Variants in PIAS2 observed in about 807,000 individuals in gnomAD.
PIAS2 encodes protein inhibitor of activated STAT 2.
Under a neutral mutation model 69.7 loss-of-function variants are expected in PIAS2, and 19 were observed. That is an observed-to-expected ratio of 0.27 (90% CI 0.19 to 0.40). The LOEUF (loss-of-function observed/expected upper bound fraction) is 0.40. PIAS2 is among the 10% of genes least tolerant of loss of function. The probability of loss-of-function intolerance (pLI) is 1.00; values close to 1 mark genes in which losing one functional copy is unlikely to be tolerated. For missense variants in PIAS2, 624 were observed against 757.0 expected, an observed-to-expected ratio of 0.82 and a Z score of 2.06; for synonymous variants, 261 against 263.2, an observed-to-expected ratio of 0.99 and a Z score of 0.08.
At chr18:46,905,048 T>C (rs1241485240) in intron 1 of PIAS2, among the ~76,000 whole-genome samples, 1 of 152,138 alleles carries the variant, frequency 6.6e-6, no homozygotes, top group Non-Finnish European at 1.5e-5. Context: ...AATGAACATA[T>C]ATAAAACTGC....
intron 2 of PIAS2, among the ~76,000 whole-genome samples, chr18:46,881,448 T>A (rs2052246351): frequency 6.6e-6 from 1 of 152,248 alleles, no homozygotes; most frequent in Non-Finnish European, 1.5e-5. Context: ...AATATTGCTA[T>A]ATAGATGCAA....
At chr18:46,854,280 A>G (rs909989324) in intron 5 of PIAS2, among the ~76,000 whole-genome samples, 2 of 152,168 alleles carry the variant, frequency 1.3e-5, no homozygotes, top group African/African-American at 4.8e-5. Context: ...CTCATATATT[A>G]GTCCAGAGCC....
intron 5 of PIAS2, among the ~76,000 whole-genome samples, chr18:46,848,934 G>C (rs2046564018): frequency 6.6e-6 from 1 of 151,802 alleles, no homozygotes; most frequent in Non-Finnish European, 1.5e-5. Flanking sequence ...TCAAGCACAA[G>C]GAGTATCAAC....
At chr18:46,849,703 T>C (rs1049844317) in intron 5 of PIAS2, among the ~76,000 whole-genome samples, 8 of 152,324 alleles carry the variant, frequency 5.3e-5, no homozygotes, top group Admixed American at 2.0e-4. Context: ...TGAATACTTC[T>C]AACAAAGATT....
chr18:46,909,803 G>A (rs148447231), intron 1 of PIAS2, among the ~76,000 whole-genome samples: 235 of 152,258 alleles, frequency 1.5e-3, no homozygotes, highest in Non-Finnish European at 2.8e-3. Context: ...GCAGGTCAGG[G>A]TTTTTCTGCA....
intron 3 of PIAS2, among the ~76,000 whole-genome samples, chr18:46,863,275 G>A (rs1312582362): frequency 6.6e-6 from 1 of 151,998 alleles, no homozygotes; most frequent in Non-Finnish European, 1.5e-5. Flanking sequence ...AAAGCTTATG[G>A]TCACCCTGTC....
In PIAS2 at chr18:46,917,471, G is replaced by C. The variant is rs1049317392; in HGVS notation, c.-126C>G. ...TCCTGCACTGGGCGCCGCTTAAGAC[G>C]CCGCGGCCGCCGCCGCTACAGCCGG... On this transcript the variant is annotated 5_prime_UTR_variant, in exon 1 of 14. Coordinates refer to ENST00000585916, the MANE Select transcript of PIAS2 (RefSeq NM_004671.5). 1 of 1,208,166 alleles carries C rather than the reference G, an allele frequency of 8.3e-7. No homozygotes were observed. The highest frequency in any genetic ancestry group is 1.0e-6 in the Non-Finnish European group (1 of 968,848). The allele number at this position is 1,208,166 out of a possible 1,614,324, so 74.8% of individuals were successfully genotyped here.
At position 46,812,055 on chromosome 18, in the gene PIAS2, ATTTTT is replaced by A. The variant is rs140762308; in HGVS notation, c.*373_*377del. 1 of 154,048 alleles carries A rather than the reference ATTTTT, an allele frequency of 6.5e-6. No individual in the cohort carries two copies. The highest frequency in any genetic ancestry group is 1.9e-4 in the East Asian group (1 of 5,240). 9.5% of individuals were successfully genotyped at this position (154,048 alleles called of 1,614,324 possible). Reference sequence around the variant, plus strand: ...TGTCATTCTAGAATCAGTGATTACAATTTTTTTTTTAATTAGAAAAAAGGTTACTT... The same window carrying A: ...TGTCATTCTAGAATCAGTGATTACAATTTTTAATTAGAAAAAAGGTTACTT... On this transcript the variant is annotated 3_prime_UTR_variant, in exon 14 of 14. Coordinates refer to ENST00000585916, the MANE Select transcript of PIAS2 (RefSeq NM_004671.5).
At chr18:46,898,371 C>T (rs1034837670) in intron 1 of PIAS2, among the ~76,000 whole-genome samples, 5 of 151,960 alleles carry the variant, frequency 3.3e-5, no homozygotes, top group African/African-American at 4.8e-5. Context: ...TCTTGAACTC[C>T]GGCCTCAAGT....
intron 3 of PIAS2, among the ~76,000 whole-genome samples, chr18:46,855,878 A>G (rs1312323267): frequency 3.3e-5 from 5 of 152,126 alleles, no homozygotes; most frequent in Non-Finnish European, 7.4e-5. Context: ...AATTTATTTC[A>G]ATAGACATCA....
At chr18:46,831,874 A>G (rs1241731174) in intron 9 of PIAS2, among the ~76,000 whole-genome samples, 1 of 152,226 alleles carries the variant, frequency 6.6e-6, no homozygotes, top group Non-Finnish European at 1.5e-5. Flanking sequence ...CAGAAAAAAT[A>G]TTTGTGACCT....
At chr18:46,832,564 ACC>A (rs1477807470) in intron 9 of PIAS2, among the ~76,000 whole-genome samples, 2 of 152,160 alleles carry the variant, frequency 1.3e-5, no homozygotes, top group Non-Finnish European at 2.9e-5. Context: ...ACAATGGAGT[ACC>A]ACTATATACC....
intron 1 of PIAS2, among the ~76,000 whole-genome samples, chr18:46,893,014 G>C (rs2054298142): frequency 6.6e-6 from 1 of 152,056 alleles, no homozygotes; most frequent in Non-Finnish European, 1.5e-5. Flanking sequence ...GTGGCCACTA[G>C]CTACCACACT....
intron 8 of PIAS2, among the ~76,000 whole-genome samples, chr18:46,842,153 G>A (rs887678861): frequency 6.6e-6 from 1 of 151,626 alleles, no homozygotes; most frequent in African/African-American, 2.4e-5. Flanking sequence ...TTGAACCCAG[G>A]AGGTTGAAGC....
At chr18:46,912,290 C>T (rs1488848842) in intron 1 of PIAS2, among the ~76,000 whole-genome samples, 4 of 152,150 alleles carry the variant, frequency 2.6e-5, no homozygotes, top group Non-Finnish European at 5.9e-5. Context: ...ATAGTATTTG[C>T]ATATAAGCTA....
chr18:46,854,356 A>T (rs921562210), intron 5 of PIAS2, among the ~76,000 whole-genome samples: 1 of 152,202 alleles, frequency 6.6e-6, no homozygotes, highest in African/African-American at 2.4e-5. Flanking sequence ...GAAGAGTGTC[A>T]GCTCTGGTGA....
At chr18:46,826,587 G>A (rs537085580) in intron 11 of PIAS2, among the ~76,000 whole-genome samples, 6 of 152,190 alleles carry the variant, frequency 3.9e-5, no homozygotes, top group East Asian at 1.9e-4. Flanking sequence ...CATTTTGAAC[G>A]TAACCATTTC....
rs1316772161 is a variant in PIAS2, at chr18:46,806,854, A to G, written c.*5579T>C. 6.6e-6 allele frequency: 1 copy of G among 152,192 alleles called. No homozygotes were observed. Among genetic ancestry groups the G allele is most frequent in the African/African-American group, 2.4e-5 (1 of 41,446 alleles). 9.4% of individuals were successfully genotyped at this position (152,192 alleles called of 1,614,324 possible). ...CGTCACTTAAAATAATTAAGCTTTG[A>G]GAACACAAAATAAAGCTTTTTAAAA... is the stretch of plus-strand genomic sequence containing the variant. On this transcript the variant is annotated 3_prime_UTR_variant, in exon 14 of 14. Transcript: ENST00000585916.
rs868532728 is a variant in PIAS2, at chr18:46,890,861, G to A, written c.218C>T (p.Ser73Phe). The A allele has an allele frequency of 1.9e-6, 3 of 1,614,062 alleles. No individual in the cohort carries two copies. The highest frequency in any genetic ancestry group is 1.7e-6 in the Non-Finnish European group (2 of 1,180,042). ...CGATGATTTGATTGTGGATAAATCAGAAAGTCCTTCAAGAGTTCGTGGATA... is the reference window on the plus strand; with the variant it reads ...CGATGATTTGATTGTGGATAAATCAAAAAGTCCTTCAAGAGTTCGTGGATA... ...RRYPRTLEGL[S>F]DLSTIKSSVF... The change falls in exon 2 of 14, where the codon TCT becomes TTT. Residue 73 changes from serine (S) to phenylalanine (F), a missense_variant. Around this residue, in one of 3 missense-constraint regions of PIAS2, gnomAD observed 339 missense variants for 408.8 expected, o/e 0.83. Coordinates refer to ENST00000585916, the MANE Select transcript of PIAS2 (RefSeq NM_004671.5).
Sources: gnomAD v4.1 joint callset for allele counts (sites outside exome capture counted in the v4.1 genomes callset) on GRCh38, gnomAD v4.1.1 for gene constraint, gnomAD v4.1.1 regional missense constraint, MANE v1.5 for transcripts, NCBI Gene and HGNC (gene_info 2026-07-23, HGNC 2026-07-21) for gene names.